The following SLX4IP variants were observed in gnomAD, a reference collection of about 807,000 sequenced individuals.
SLX4IP encodes the protein SLX4 interacting protein.
Under a neutral mutation model 32.9 loss-of-function variants are expected in SLX4IP, and 34 were observed. The ratio of observed to expected loss-of-function variants is 1.03; its 90% CI spans 0.79 to 1.38. SLX4IP has a LOEUF of 1.38. Among genes scored for constraint, SLX4IP ranks in the 40% most tolerant of loss-of-function variants. SLX4IP has a pLI of 0.00. For synonymous variants in SLX4IP, 172 were observed against 171.7 expected (o/e 1.00, Z -0.01); for missense variants, 444 against 479.0 (o/e 0.93, Z 0.68).
chr20:10,587,526 T>TA (rs2066659810), intron 4 of SLX4IP, among the ~76,000 whole-genome samples: 1 of 151,970 alleles, frequency 6.6e-6, no homozygotes. Context: ...TGAAGAAAAG[T>TA]CCCTTTTTTG....
At chr20:10,469,787 C>T (rs994726757) in intron 2 of SLX4IP, among the ~76,000 whole-genome samples, 4 of 152,296 alleles carry the variant, frequency 2.6e-5, no homozygotes, top group East Asian at 1.9e-4. Flanking sequence ...GTCGTTGGCT[C>T]GTGCCCACGT....
At chr20:10,568,795 A>T (rs991927313) in intron 4 of SLX4IP, among the ~76,000 whole-genome samples, 1 of 152,220 alleles carries the variant, frequency 6.6e-6, no homozygotes, top group African/African-American at 2.4e-5. Flanking sequence ...ACCTATCCCA[A>T]GGATACACTC....
intron 2 of SLX4IP, among the ~76,000 whole-genome samples, chr20:10,520,158 C>G (rs1008587250): frequency 6.6e-6 from 1 of 152,120 alleles, no homozygotes; most frequent in Non-Finnish European, 1.5e-5. Context: ...TCAAGCGATT[C>G]TCCTGCCTCA....
In SLX4IP at chr20:10,624,080, C is replaced by T. The variant is rs1009833886; in HGVS notation, c.*701C>T. ...GCATCCCCTCGGACTCCCTCAAACT[C>T]GTAAAACACTTGGGTTTGGTGTATG... is the stretch of plus-strand genomic sequence containing the variant. On this transcript the variant is annotated 3_prime_UTR_variant, in exon 8 of 8. Coordinates refer to ENST00000334534, the MANE Select transcript of SLX4IP (RefSeq NM_001009608.3). 4.6e-5 allele frequency: 7 copies of T among 152,214 alleles called. No homozygotes were observed. The highest frequency in any genetic ancestry group is 2.0e-4 in the Admixed American group (3 of 15,276). The allele number at this position is 152,214 out of a possible 1,614,324, so 9.4% of individuals were successfully genotyped here.
intron 2 of SLX4IP, among the ~76,000 whole-genome samples, chr20:10,537,222 G>C (rs151043318): frequency 1.1e-3 from 161 of 152,226 alleles, no homozygotes; most frequent in Middle Eastern, 0.01. Context: ...GTGTTGGGAG[G>C]GGGCAATGAA....
intron 6 of SLX4IP, among the ~76,000 whole-genome samples, chr20:10,609,522 C>G (rs924167780): frequency 6.6e-6 from 1 of 152,200 alleles, no homozygotes; most frequent in Non-Finnish European, 1.5e-5. Flanking sequence ...AGACAATCAT[C>G]TGTGGTGTGT....
At chr20:10,485,724 C>G (rs1195235373) in intron 2 of SLX4IP, among the ~76,000 whole-genome samples, 1 of 151,908 alleles carries the variant, frequency 6.6e-6, no homozygotes, top group Non-Finnish European at 1.5e-5. Context: ...AGTCCATTAA[C>G]ACATATTTTT....
intron 3 of SLX4IP, among the ~76,000 whole-genome samples, chr20:10,558,886 C>T (rs1254982607): frequency 1.3e-5 from 2 of 152,204 alleles, no homozygotes; most frequent in African/African-American, 2.4e-5. Context: ...TATCACACTG[C>T]ACTTGGTCTA....
At chr20:10,543,294 T>A (rs2066128083) in intron 2 of SLX4IP, among the ~76,000 whole-genome samples, 1 of 152,236 alleles carries the variant, frequency 6.6e-6, no homozygotes, top group African/African-American at 2.4e-5. Context: ...TTAGTTACCA[T>A]GTTTGAGGGT....
chr20:10,547,821 C>T lies in SLX4IP; in HGVS notation c.28-8410C>T, dbSNP rs149206220. On this transcript the variant is annotated intron_variant, in intron 2 of 7. Coordinates refer to ENST00000334534, the MANE Select transcript of SLX4IP (RefSeq NM_001009608.3). ...GTTTTCACTTAACAAACACTCTTCA[C>T]GACCATCTGTGTGCCAGACCCAGTA... Among the ~76,000 whole-genome samples, 10 of 152,294 alleles carry T rather than the reference C, an allele frequency of 6.6e-5. No homozygotes were observed. In the East Asian group the frequency reaches 1.2e-3, roughly 18 times the overall value.
At chr20:10,512,502 C>T (rs1245827179) in intron 2 of SLX4IP, among the ~76,000 whole-genome samples, 1 of 149,574 alleles carries the variant, frequency 6.7e-6, no homozygotes, top group African/African-American at 2.5e-5. Context: ...CTCAAATGAT[C>T]TCCTGCCTCA....
intron 6 of SLX4IP, among the ~76,000 whole-genome samples, chr20:10,618,942 G>T (rs1295222249): frequency 7.6e-6 from 1 of 131,678 alleles, no homozygotes; most frequent in African/African-American, 2.8e-5. Context: ...TTGGGGGTTG[G>T]GGGGGCGGGG....
intron 2 of SLX4IP, among the ~76,000 whole-genome samples, chr20:10,550,587 C>T (rs2066208321): frequency 2.0e-5 from 3 of 152,114 alleles, no homozygotes; most frequent in Admixed American, 6.5e-5. Context: ...TCCCCTTGCC[C>T]GCCCATGCTC....
At chr20:10,474,584 T>C (rs749593608) in intron 2 of SLX4IP, among the ~76,000 whole-genome samples, 4 of 152,172 alleles carry the variant, frequency 2.6e-5, no homozygotes, top group Non-Finnish European at 4.4e-5. Context: ...CCGCTCCCAT[T>C]TGTGGTCAAA....
chr20:10,566,754 A>G (rs1461570056), intron 4 of SLX4IP, among the ~76,000 whole-genome samples: 1 of 152,170 alleles, frequency 6.6e-6, no homozygotes, highest in Non-Finnish European at 1.5e-5. Flanking sequence ...ATTGAATTTT[A>G]CAAGCCTACT....
At chr20:10,457,054 A>G (rs991596669) in intron 1 of SLX4IP, among the ~76,000 whole-genome samples, 1 of 152,188 alleles carries the variant, frequency 6.6e-6, no homozygotes, top group Non-Finnish European at 1.5e-5. Flanking sequence ...AGTAGATTTT[A>G]AAATATTTAT....
chr20:10,541,199 T>C (rs557166023), intron 2 of SLX4IP, among the ~76,000 whole-genome samples: 1 of 152,364 alleles, frequency 6.6e-6, no homozygotes, highest in East Asian at 1.9e-4. Flanking sequence ...GAAAACACCT[T>C]TAAAATAAAA....
chr20:10,446,637 G>T (rs1371429500), intron 1 of SLX4IP, among the ~76,000 whole-genome samples: 1 of 152,088 alleles, frequency 6.6e-6, no homozygotes, highest in Non-Finnish European at 1.5e-5. Context: ...AGCATTTGGT[G>T]TTATTGTTTT....
At chr20:10,597,218 T>C (rs1043574990) in intron 4 of SLX4IP, among the ~76,000 whole-genome samples, 1 of 152,242 alleles carries the variant, frequency 6.6e-6, no homozygotes, top group African/African-American at 2.4e-5. Flanking sequence ...CTGATGGTCC[T>C]AGAGATTACT....
Sources: allele counts gnomAD v4.1 joint callset (sites outside exome capture counted in the v4.1 genomes callset), GRCh38; gene constraint gnomAD v4.1.1; transcripts MANE v1.5; gene names NCBI Gene and HGNC (gene_info 2026-07-23, HGNC 2026-07-21).